RNF169: variants seen among roughly 807,000 people sequenced by gnomAD.
RNF169 encodes E3 ubiquitin-protein ligase RNF169.
RNF169 carries 24 observed loss-of-function variants against 53.9 expected under a neutral mutation model. That is an observed-to-expected ratio of 0.45 (90% CI 0.32 to 0.63). The LOEUF is 0.63. RNF169 is among the 20% of genes least tolerant of loss of function. The pLI, the probability that RNF169 is intolerant of heterozygous loss-of-function variation, is 0.04. For synonymous variants in RNF169, 396 were observed against 363.5 expected (o/e 1.09, Z -1.02); for missense variants, 883 against 906.2 (o/e 0.97, Z 0.33).
chr11:74,833,593 T>C (rs1280536558), intron 4 of RNF169, among the ~76,000 whole-genome samples: 1 of 152,178 alleles, frequency 6.6e-6, no homozygotes, highest in Non-Finnish European at 1.5e-5. Context: ...TATTTATTTG[T>C]CCACTGGACT....
In RNF169 at chr11:74,755,005, G is replaced by A. The variant is rs569909578; in HGVS notation, c.502+5623G>A. Among the ~76,000 whole-genome samples the A allele has an allele frequency of 2.8e-4, 42 of 152,302 alleles. 1 individual carries two copies. In the East Asian group the frequency reaches 3.7e-3, roughly 13 times the overall value. On this transcript the variant is annotated intron_variant, in intron 1 of 5. Coordinates refer to ENST00000299563, the MANE Select transcript of RNF169 (RefSeq NM_001098638.2). ...ATTACTCAGTTGACAGACAATGTTT[G>A]CTATGTGTGCAGCCTAAATTACATT...
intron 1 of RNF169, among the ~76,000 whole-genome samples, chr11:74,758,726 G>A (rs11236243): frequency 0.34 from 52,045 of 151,864 alleles, 10,923 homozygotes; most frequent in African/African-American, 0.6. Flanking sequence ...GGATGGTCTC[G>A]ATCTCCTGAC....
In RNF169 at chr11:74,836,739, G is replaced by A; in HGVS notation, c.*9G>A. The A allele has an allele frequency of 6.3e-7, 1 of 1,586,170 alleles. No homozygotes were observed. Among genetic ancestry groups the A allele is most frequent in the Non-Finnish European group, 8.6e-7 (1 of 1,165,380 alleles). ...TGGCCGGGGCCAAGTAGCACCTAAT[G>A]AAGTGTTACCTATTTTTAAAAGGTC... On this transcript the variant is annotated 3_prime_UTR_variant, in exon 6 of 6. Transcript: ENST00000299563.
At chr11:74,774,959 G>C (rs772948443) in intron 1 of RNF169, among the ~76,000 whole-genome samples, 1 of 152,140 alleles carries the variant, frequency 6.6e-6, no homozygotes, top group Non-Finnish European at 1.5e-5. Context: ...GGACGACAGA[G>C]TGAGACTCCA....
rs1160653217 is a variant in RNF169, at chr11:74,834,542, A to AT, written c.843-130dup. 19 of 526,768 alleles carry AT rather than the reference A, an allele frequency of 3.6e-5. 1 individual carries two copies. The highest frequency in any genetic ancestry group is 3.5e-4 in the African/African-American group (18 of 52,052). The allele number at this position is 526,768 out of a possible 1,614,324, so 32.6% of individuals were successfully genotyped here. A position where few individuals can be genotyped will look rare whatever the true frequency, so the allele number is the denominator to read the frequency against. ...ATGTATTTTGTTAATAAATTAACTCATTTTCTATTGTAGCTGCCCAAGGGA... is the reference window on the plus strand; with the variant it reads ...ATGTATTTTGTTAATAAATTAACTCATTTTTCTATTGTAGCTGCCCAAGGGA... On this transcript the variant is annotated intron_variant, in intron 4 of 5. Coordinates refer to ENST00000299563, the MANE Select transcript of RNF169 (RefSeq NM_001098638.2).
In RNF169 at chr11:74,836,148, C is replaced by G; in HGVS notation, c.1545C>G (p.Asp515Glu). The G allele has an allele frequency of 6.2e-7, 1 of 1,614,136 alleles. No individual in the cohort carries two copies. The highest frequency in any genetic ancestry group is 8.5e-7 in the Non-Finnish European group (1 of 1,180,022). Reference protein sequence around the residue: ...PSVSQTKAEQDSDNKSSTEIP... With the variant: ...PSVSQTKAEQESDNKSSTEIP... ...TTAGCCAAACAAAAGCAGAACAGGA[C>G]AGTGATAATAAAAGTAGCACTGAGA... The change falls in exon 6 of 6, where the codon GAC (aspartate) becomes GAG (glutamate). Residue 515 changes from aspartate to glutamate, a missense_variant. Physicochemically the swap from Asp to Glu is conservative, Grantham distance 45. Transcript: ENST00000299563.
intron 2 of RNF169, among the ~76,000 whole-genome samples, chr11:74,804,569 G>T (rs1394077317): frequency 6.6e-6 from 1 of 152,096 alleles, no homozygotes; most frequent in East Asian, 1.9e-4. Flanking sequence ...CAAAAATTGG[G>T]TAATTACCTT....
chr11:74,789,723 T>A, intron 2 of RNF169, 24 bp downstream of exon 2: 1 of 1,455,110 alleles, frequency 6.9e-7, no homozygotes, highest in South Asian at 1.2e-5. Context: ...ATGTCATTCA[T>A]TTTCTTAAAG....
intron 2 of RNF169, among the ~76,000 whole-genome samples, chr11:74,800,113 CTT>C (rs959030410): frequency 7.3e-5 from 11 of 151,384 alleles, no homozygotes; most frequent in Admixed American, 2.0e-4. Context: ...TCAGAAATAA[CTT>C]TTAAAAATAT....
intron 3 of RNF169, 132 bp from the exon 4 acceptor site, chr11:74,817,464 C>A: frequency 1.5e-6 from 1 of 651,146 alleles, no homozygotes; most frequent in South Asian, 1.9e-5. Flanking sequence ...TTGGTATCTC[C>A]AGGAGGCAGT....
chr11:74,763,489 A>G lies in RNF169; in HGVS notation c.502+14107A>G, dbSNP rs534101791. Among the ~76,000 whole-genome samples, 15 of 152,366 alleles carry G rather than the reference A, an allele frequency of 9.8e-5. No individual in the cohort carries two copies. The South Asian group carries it at 3.1e-3, about 32-fold the overall frequency. ...AAAGAATTGACATCCCAAGAAATGAATAAAGCATTATGAAACACACACATT... is the reference window on the plus strand; with the variant it reads ...AAAGAATTGACATCCCAAGAAATGAGTAAAGCATTATGAAACACACACATT... On this transcript the variant is annotated intron_variant, in intron 1 of 5. Transcript: ENST00000299563.
intron 1 of RNF169, among the ~76,000 whole-genome samples, chr11:74,755,168 G>A (rs373232196): frequency 5.9e-5 from 9 of 152,196 alleles, no homozygotes; most frequent in African/African-American, 1.9e-4. Context: ...ATTTGAGAGT[G>A]TCCTTATGTG....
intron 2 of RNF169, among the ~76,000 whole-genome samples, chr11:74,799,020 C>T (rs1756345571): frequency 6.7e-6 from 1 of 149,850 alleles, no homozygotes. Flanking sequence ...CATCCCTGCC[C>T]TCCCACCTTA....
intron 2 of RNF169, among the ~76,000 whole-genome samples, chr11:74,802,198 C>T (rs1350211447): frequency 1.3e-5 from 2 of 152,096 alleles, no homozygotes; most frequent in African/African-American, 4.8e-5. Flanking sequence ...AAGCACTGCC[C>T]CCTATAAGCC....
intron 2 of RNF169, among the ~76,000 whole-genome samples, chr11:74,806,736 T>C (rs1274905396): frequency 6.6e-6 from 1 of 151,706 alleles, no homozygotes; most frequent in African/African-American, 2.4e-5. Flanking sequence ...CAGAAATAGG[T>C]AAAATGATTT....
intron 4 of RNF169, among the ~76,000 whole-genome samples, chr11:74,833,683 A>T (rs559045768): frequency 8.5e-5 from 13 of 152,198 alleles, no homozygotes; most frequent in Admixed American, 6.5e-4. Context: ...AGTGTCTGGC[A>T]TACATATAGT....
intron 4 of RNF169, among the ~76,000 whole-genome samples, chr11:74,825,867 C>T (rs1332471114): frequency 6.6e-6 from 1 of 152,096 alleles, no homozygotes; most frequent in Non-Finnish European, 1.5e-5. Flanking sequence ...CGGCCCGAGA[C>T]TAGGTAATTT....
intron 1 of RNF169, among the ~76,000 whole-genome samples, chr11:74,783,063 A>G (rs2035440673): frequency 6.6e-6 from 1 of 152,154 alleles, no homozygotes; most frequent in Non-Finnish European, 1.5e-5. Context: ...AAACTCACGC[A>G]TACTCAGGTA....
intron 4 of RNF169, among the ~76,000 whole-genome samples, chr11:74,834,438 C>T (rs1661745426): frequency 6.6e-6 from 1 of 152,182 alleles, no homozygotes; most frequent in African/African-American, 2.4e-5. Flanking sequence ...CTCCTTTTGG[C>T]AGGGTCTAGT....
Sources: gnomAD v4.1 joint callset for allele counts (sites outside exome capture counted in the v4.1 genomes callset) on GRCh38, gnomAD v4.1.1 for gene constraint, MANE v1.5 for transcripts, NCBI Gene and HGNC (gene_info 2026-07-23, HGNC 2026-07-21) for gene names.